CERS3: variants seen among roughly 807,000 people sequenced by gnomAD.
The protein encoded by CERS3 is LAG1 homolog, ceramide synthase 3.
In CERS3, 33 loss-of-function variants were observed where a neutral mutation model predicts 50.3. That is an observed-to-expected ratio of 0.66 (90% CI 0.50 to 0.88). CERS3 has a LOEUF of 0.88. Ranked by LOEUF, CERS3 falls within the 40% of genes least tolerant of loss-of-function variation. The pLI, the probability that CERS3 is intolerant of heterozygous loss-of-function variation, is 0.00. For synonymous variants in CERS3, 176 were observed against 155.2 expected, an observed-to-expected ratio of 1.13 and a Z score of -0.99; for missense variants, 470 against 460.3, an observed-to-expected ratio of 1.02 and a Z score of -0.19.
chr15:100,514,767 A>G (rs879796168), intron 2 of CERS3, among the ~76,000 whole-genome samples: 7 of 141,276 alleles, frequency 5.0e-5, no homozygotes, highest in Admixed American at 1.5e-4. Flanking sequence ...TTTTATACAT[A>G]TCACATGTAT....
In CERS3 at chr15:100,431,221, A is replaced by C. The variant is rs2033114997; in HGVS notation, c.999+24672T>G. The stretch of plus-strand genomic sequence containing the variant: ...CTTCTAAAATTCCATGCTTTCAAAT[A>C]ACTTTGACTTCCTTAGTCTCTATAT... On this transcript the variant is annotated intron_variant, in intron 11 of 11. Transcript: ENST00000679737. 1.3e-5 allele frequency among the ~76,000 whole-genome samples: 2 copies of C among 152,214 alleles called. 1 individual carries two copies. The highest frequency in any genetic ancestry group is 4.8e-5 in the African/African-American group (2 of 41,448).
chr15:100,533,560 CTCTTT>C (rs202193658), upstream of CERS3, among the ~76,000 whole-genome samples: 1,878 of 124,638 alleles, frequency 0.015, 35 homozygotes, highest in African/African-American at 0.055. Flanking sequence ...TTCCCTCTCT[CTCTTT>C]TTTTTTTTTT....
chr15:100,481,681 A>C (rs2035305183), intron 5 of CERS3, among the ~76,000 whole-genome samples: 1 of 152,250 alleles, frequency 6.6e-6, no homozygotes, highest in Non-Finnish European at 1.5e-5. Flanking sequence ...GACTGTTGCT[A>C]ACAGCCAATA....
intron 2 of CERS3, among the ~76,000 whole-genome samples, chr15:100,513,865 C>T (rs56321763): frequency 0.1 from 15,305 of 152,178 alleles, 856 homozygotes; most frequent in Middle Eastern, 0.14. Context: ...ATTCCTTCTG[C>T]CTAGAATGCT....
At chr15:100,530,456 C>G (rs982343765), upstream of CERS3, among the ~76,000 whole-genome samples, 7 of 152,234 alleles carry the variant, frequency 4.6e-5, no homozygotes, top group Non-Finnish European at 7.3e-5. Flanking sequence ...TGCTCTCTCG[C>G]CTCTGTGCCT....
At chr15:100,481,730 T>TA (rs776112697) in intron 5 of CERS3, among the ~76,000 whole-genome samples, 71 of 152,346 alleles carry the variant, frequency 4.7e-4, no homozygotes, top group Non-Finnish European at 8.4e-4. Flanking sequence ...TCATAAAACT[T>TA]ACGGAAGTTT....
chr15:100,447,224 G>A (rs974819143), intron 11 of CERS3, among the ~76,000 whole-genome samples: 1 of 152,066 alleles, frequency 6.6e-6, no homozygotes, highest in Non-Finnish European at 1.5e-5. Flanking sequence ...TAAAACCTTG[G>A]TCTCCACAAC....
At chr15:100,513,540 C>CTTTTTT (rs11428048) in intron 2 of CERS3, among the ~76,000 whole-genome samples, 1 of 143,922 alleles carries the variant, frequency 6.9e-6, no homozygotes. Flanking sequence ...GTTTTCTTTT[C>CTTTTTT]TTTTTTTTTT....
rs1465643379 is a variant in CERS3, at chr15:100,430,260, C to T, written c.999+25633G>A. On this transcript the variant is annotated intron_variant, in intron 11 of 11. Transcript: ENST00000679737. ...CCGGGAGGCGGAGCTTGCAGTGAGC[C>T]GAGATCACGCCACTGCACTCCAGCC... Among the ~76,000 whole-genome samples the T allele has an allele frequency of 4.0e-5, 6 of 150,820 alleles. 1 individual carries two copies. In the South Asian group the frequency reaches 6.3e-4, roughly 16 times the overall value.
chr15:100,487,459 C>G (rs1202845034), intron 4 of CERS3, among the ~76,000 whole-genome samples: 1 of 152,222 alleles, frequency 6.6e-6, no homozygotes, highest in Non-Finnish European at 1.5e-5. Flanking sequence ...GAAGTTTAAT[C>G]TGTCCATCTC....
chr15:100,537,143 C>T (rs527740451), intron 1 of CERS3, among the ~76,000 whole-genome samples: 5 of 152,314 alleles, frequency 3.3e-5, no homozygotes, highest in African/African-American at 1.2e-4. Context: ...AGAAGGGGTA[C>T]TCTCTCTTCA....
intron 10 of CERS3, among the ~76,000 whole-genome samples, chr15:100,467,966 C>T (rs1239754555): frequency 6.6e-6 from 1 of 151,380 alleles, no homozygotes; most frequent in African/African-American, 2.4e-5. Flanking sequence ...AAGTGACCCC[C>T]CCGCCAACCT....
chr15:100,483,763 A>AT (rs1461779624), intron 5 of CERS3, among the ~76,000 whole-genome samples: 150 of 6,494 alleles, frequency 0.023, 3 homozygotes, highest in Non-Finnish European at 0.079. Context: ...AGAAGGATCA[A>AT]TAATAATAAT....
chr15:100,517,428 A>G (rs2036523166), intron 2 of CERS3, among the ~76,000 whole-genome samples: 1 of 151,982 alleles, frequency 6.6e-6, no homozygotes, highest in African/African-American at 2.4e-5. Context: ...GGCTTTTCTG[A>G]GGGATAGTGT....
At chr15:100,437,574 T>C (rs895363155) in intron 11 of CERS3, among the ~76,000 whole-genome samples, 4 of 152,222 alleles carry the variant, frequency 2.6e-5, no homozygotes, top group African/African-American at 9.6e-5. Context: ...ATGAAGAGGC[T>C]TGCTGAGAGC....
intron 11 of CERS3, among the ~76,000 whole-genome samples, chr15:100,442,435 GT>G (rs781157354): frequency 6.6e-5 from 10 of 152,172 alleles, no homozygotes; most frequent in Non-Finnish European, 1.3e-4. Context: ...GTATTTCTGA[GT>G]TGCAATTCCT....
chr15:100,452,895 A>G (rs544953632), intron 11 of CERS3, among the ~76,000 whole-genome samples: 1 of 152,284 alleles, frequency 6.6e-6, no homozygotes, highest in South Asian at 2.1e-4. Context: ...TGGAAAACCT[A>G]GAGGCAATGG....
At chr15:100,418,313 C>G (rs868853459) in intron 11 of CERS3, among the ~76,000 whole-genome samples, 211 of 151,938 alleles carry the variant, frequency 1.4e-3, no homozygotes, top group South Asian at 2.7e-3. Flanking sequence ...ATGCGATCAA[C>G]TGGAAGAAAG....
In CERS3 at chr15:100,536,689, G is replaced by A. The variant is rs191452787; in HGVS notation, c.-354-7614C>T. Among the ~76,000 whole-genome samples the A allele has an allele frequency of 3.9e-5, 6 of 152,296 alleles. No homozygotes were observed. The East Asian group carries it at 7.7e-4, about 20-fold the overall frequency. On this transcript the variant is annotated intron_variant, in intron 1 of 12. Transcript: ENST00000284382. ...TCCACCTCCCCAAATAACCAATCCC[G>A]TGACTGTCTTAGTCTGGAAGATAGA... is the stretch of plus-strand genomic sequence containing the variant.
Sources: gnomAD v4.1 joint callset for allele counts (sites outside exome capture counted in the v4.1 genomes callset) on GRCh38, gnomAD v4.1.1 for gene constraint, MANE v1.5 for transcripts, NCBI Gene and HGNC (gene_info 2026-07-23, HGNC 2026-07-21) for gene names.